The following HHAT variants were observed in gnomAD, a reference collection of about 807,000 sequenced individuals.
HHAT encodes the protein hedgehog acyltransferase.
Under a neutral mutation model 70.8 loss-of-function variants are expected in HHAT, and 47 were observed. The observed-to-expected ratio is 0.66, with a 90% CI of 0.53 to 0.85. The LOEUF is 0.85. Among genes scored for constraint, HHAT ranks in the 40% least tolerant of loss-of-function variants. HHAT has a pLI of 0.00. For synonymous variants in HHAT, 228 were observed against 247.6 expected (o/e 0.92, Z 0.74); for missense variants, 609 against 604.8 (o/e 1.01, Z -0.07).
intron 7 of HHAT, among the ~76,000 whole-genome samples, chr1:210,447,717 A>T (rs1230545882): frequency 6.6e-6 from 1 of 152,226 alleles, no homozygotes; most frequent in African/African-American, 2.4e-5. Context: ...AACCAGGGCC[A>T]GTGTCCTGGC....
chr1:210,344,849 G>T (rs566680551), intron 1 of HHAT, among the ~76,000 whole-genome samples: 3 of 151,762 alleles, frequency 2.0e-5, no homozygotes, highest in African/African-American at 4.9e-5. Flanking sequence ...AGCCCCAGAT[G>T]TTGCCAGCCC....
At position 210,442,185 on chromosome 1, in the gene HHAT, A is replaced by C. The variant is rs531215610; in HGVS notation, c.857-22320A>C. 7.7e-3 allele frequency among the ~76,000 whole-genome samples: 1,086 copies of C among 141,656 alleles called. 11 individuals are homozygous for C. Among genetic ancestry groups the C allele is most frequent in the African/African-American group, 0.027 (1,040 of 38,264 alleles). The allele number at this position is 141,656 out of a possible 152,430, so 92.9% of individuals were successfully genotyped here. A position where few individuals can be genotyped will look rare whatever the true frequency, so the allele number is the denominator to read the frequency against. On this transcript the variant is annotated intron_variant, in intron 7 of 11. Transcript: ENST00000261458. ...TCCCTACAAAGGACATGAACTCATCATTTTTTATGGCTGCATAGTATTCCA... is the reference window on the plus strand; with the variant it reads ...TCCCTACAAAGGACATGAACTCATCCTTTTTTATGGCTGCATAGTATTCCA...
chr1:210,452,181 G>T (rs1213739355), intron 7 of HHAT, among the ~76,000 whole-genome samples: 1 of 152,108 alleles, frequency 6.6e-6, no homozygotes, highest in South Asian at 2.1e-4. Context: ...CTGATCCTTG[G>T]CATTCTCCCC....
At position 210,354,449 on chromosome 1, in the gene HHAT, C is replaced by T. The variant is rs138513636; in HGVS notation, c.91+5383C>T. ...CAAACTCCTTGGCCACCCAAAGTGCCGGGATTACTGGTGATTATGATAATT... is the reference window on the plus strand; with the variant it reads ...CAAACTCCTTGGCCACCCAAAGTGCTGGGATTACTGGTGATTATGATAATT... On this transcript the variant is annotated intron_variant, in intron 2 of 11. Coordinates refer to ENST00000261458, the MANE Select transcript of HHAT (RefSeq NM_018194.6). 1.6e-4 allele frequency among the ~76,000 whole-genome samples: 24 copies of T among 151,934 alleles called. No individual in the cohort carries two copies. In the East Asian group the frequency reaches 2.9e-3, roughly 18 times the overall value.
intron 10 of HHAT, among the ~76,000 whole-genome samples, chr1:210,618,895 C>T (rs551207749): frequency 6.1e-4 from 93 of 152,302 alleles, no homozygotes; most frequent in Non-Finnish European, 9.8e-4. Flanking sequence ...ACGAGTTTGA[C>T]GTAAGTTTAG....
chr1:210,657,142 C>T (rs1405387548), intron 11 of HHAT, among the ~76,000 whole-genome samples: 1 of 152,224 alleles, frequency 6.6e-6, no homozygotes. Context: ...GAGACCAAAT[C>T]TATGGCCTCA....
At chr1:210,520,151 G>T (rs2095132498) in intron 9 of HHAT, among the ~76,000 whole-genome samples, 1 of 152,056 alleles carries the variant, frequency 6.6e-6, no homozygotes, top group Non-Finnish European at 1.5e-5. Context: ...GAGTAGCTGG[G>T]ATTACAGGCA....
chr1:210,614,085 C>G (rs1667165994), intron 10 of HHAT, among the ~76,000 whole-genome samples: 1 of 147,292 alleles, frequency 6.8e-6, no homozygotes, highest in South Asian at 2.1e-4. Flanking sequence ...GTATTTATGT[C>G]TTCTTTCAGC....
chr1:210,554,074 G>A (rs916050871), intron 9 of HHAT, among the ~76,000 whole-genome samples: 1 of 152,158 alleles, frequency 6.6e-6, no homozygotes, highest in Non-Finnish European at 1.5e-5. Context: ...GGGGCTGCTA[G>A]GTTATGAACA....
chr1:210,407,634 T>C (rs890985732), intron 6 of HHAT, among the ~76,000 whole-genome samples: 1 of 152,246 alleles, frequency 6.6e-6, no homozygotes, highest in Admixed American at 6.5e-5. Context: ...AATTTGCCTC[T>C]GTGCCTTAAC....
intron 9 of HHAT, among the ~76,000 whole-genome samples, chr1:210,577,420 C>T (rs1658071795): frequency 6.6e-6 from 1 of 151,982 alleles, no homozygotes; most frequent in Admixed American, 6.6e-5. Context: ...GCTTTTTCTC[C>T]ATGTGTTAAG....
chr1:210,385,766 A>G (rs554245496), intron 3 of HHAT, among the ~76,000 whole-genome samples: 27 of 152,380 alleles, frequency 1.8e-4, no homozygotes, highest in Admixed American at 6.5e-5. Context: ...GATGGGAAGC[A>G]CATGGGTCTA....
intron 7 of HHAT, among the ~76,000 whole-genome samples, chr1:210,460,633 C>T (rs1208572815): frequency 5.3e-5 from 8 of 151,994 alleles, no homozygotes; most frequent in Admixed American, 5.2e-4. Flanking sequence ...CCATATTGCT[C>T]AGTGCCTGGC....
chr1:210,675,101 T>C lies in HHAT; in HGVS notation c.*722T>C, dbSNP rs932498688. ...CTCTACCTTACAGTTAATCGTTTCTTAATAAAGAAGCAGAATTTAGAAACC... is the reference window on the plus strand; with the variant it reads ...CTCTACCTTACAGTTAATCGTTTCTCAATAAAGAAGCAGAATTTAGAAACC... On this transcript the variant is annotated 3_prime_UTR_variant, in exon 12 of 12. Coordinates refer to ENST00000261458, the MANE Select transcript of HHAT (RefSeq NM_018194.6). 2.0e-5 allele frequency: 3 copies of C among 152,172 alleles called. No homozygotes were observed. Among genetic ancestry groups the C allele is most frequent in the African/African-American group, 7.2e-5 (3 of 41,452 alleles). 9.4% of individuals were successfully genotyped at this position (152,172 alleles called of 1,614,324 possible).
At chr1:210,616,700 TGTA>T (rs143797874) in intron 10 of HHAT, among the ~76,000 whole-genome samples, 7,859 of 152,292 alleles carry the variant, frequency 0.052, 213 homozygotes, top group African/African-American at 0.07. Context: ...AGTTGTGTAA[TGTA>T]GTAGGAGCAT....
intron 2 of HHAT, among the ~76,000 whole-genome samples, chr1:210,353,349 G>C (rs1209569264): frequency 6.6e-6 from 1 of 151,678 alleles, no homozygotes; most frequent in African/African-American, 2.4e-5. Context: ...ATATTTTTCT[G>C]GCCATGTCAA....
intron 11 of HHAT, among the ~76,000 whole-genome samples, chr1:210,623,938 C>G (rs1024461269): frequency 6.6e-6 from 1 of 152,232 alleles, no homozygotes. Flanking sequence ...GTGTATATTC[C>G]CTTCCATTAC....
At chr1:210,646,289 G>A (rs539579240) in intron 11 of HHAT, among the ~76,000 whole-genome samples, 22 of 152,174 alleles carry the variant, frequency 1.4e-4, no homozygotes, top group Non-Finnish European at 2.4e-4. Flanking sequence ...GAATAAAAGG[G>A]ACTATGCATA....
chr1:210,352,019 G>C (rs930943364), intron 2 of HHAT, among the ~76,000 whole-genome samples: 2 of 152,122 alleles, frequency 1.3e-5, no homozygotes, highest in African/African-American at 4.8e-5. Flanking sequence ...AGGACACTGA[G>C]GCTCAAAAGT....
Sources: gnomAD v4.1 joint callset for allele counts (sites outside exome capture counted in the v4.1 genomes callset) on GRCh38, gnomAD v4.1.1 for gene constraint, MANE v1.5 for transcripts, NCBI Gene and HGNC (gene_info 2026-07-23, HGNC 2026-07-21) for gene names.